SPDYA: variants seen among roughly 807,000 people sequenced by gnomAD.
SPDYA encodes the protein speedy/RINGO cell cycle regulator family member A, also known as speedy protein A.
A neutral mutation model predicts 36.7 loss-of-function variants in SPDYA; 11 were observed. That is an observed-to-expected ratio of 0.30 (90% CI 0.19 to 0.50). SPDYA has a LOEUF of 0.50. Ranked by LOEUF, SPDYA falls within the 20% of genes least tolerant of loss-of-function variation. SPDYA has a pLI of 0.98. For missense variants in SPDYA, 287 were observed against 370.9 expected (o/e 0.77, Z 1.86); for synonymous variants, 115 against 118.7 (o/e 0.97, Z 0.20).
At chr2:28,830,405 G>A (rs1240144578) in intron 6 of SPDYA, among the ~76,000 whole-genome samples, 1 of 151,776 alleles carries the variant, frequency 6.6e-6, no homozygotes, top group African/African-American at 2.4e-5. Context: ...GGGTTTCGCC[G>A]TGTTAGCCAG....
intron 3 of SPDYA, among the ~76,000 whole-genome samples, chr2:28,816,459 A>G (rs1667985580): frequency 1.3e-5 from 2 of 152,198 alleles, no homozygotes; most frequent in African/African-American, 2.4e-5. Context: ...TTAAAAATTC[A>G]TACTCATCTA....
intron 4 of SPDYA, among the ~76,000 whole-genome samples, chr2:28,819,752 G>A (rs1368562726): frequency 2.8e-5 from 4 of 142,702 alleles, no homozygotes; most frequent in Non-Finnish European, 3.0e-5. Context: ...GGAAGGCCAA[G>A]GCGAGAGGAT....
At chr2:28,819,146 A>C (rs1238909422) in intron 4 of SPDYA, 40 bp downstream of exon 4, 1 of 1,425,700 alleles carries the variant, frequency 7.0e-7, no homozygotes, top group Admixed American at 1.8e-5. Flanking sequence ...CAGCATTATA[A>C]TGTAACTGAA....
At chr2:28,849,782 C>A in intron 7 of SPDYA, 68 bp from the exon 8 acceptor site, 2 of 864,282 alleles carry the variant, frequency 2.3e-6, no homozygotes, top group South Asian at 1.7e-5. Flanking sequence ...CATATACAAG[C>A]CATTATAAGA....
At chr2:28,819,426 C>T (rs983791411) in intron 4 of SPDYA, among the ~76,000 whole-genome samples, 1 of 151,972 alleles carries the variant, frequency 6.6e-6, no homozygotes, top group Admixed American at 6.6e-5. Context: ...ATCACTTGAA[C>T]CCAGAAGTTG....
At chr2:28,816,863 T>TTGA (rs543366866) in intron 3 of SPDYA, among the ~76,000 whole-genome samples, 1 of 19,374 alleles carries the variant, frequency 5.2e-5, no homozygotes, top group Non-Finnish European at 1.9e-4. Flanking sequence ...AGAGAGGGAA[T>TTGA]TTTTTTTTTT....
At chr2:28,813,432 C>A (rs1004283252) in intron 1 of SPDYA, among the ~76,000 whole-genome samples, 3 of 152,068 alleles carry the variant, frequency 2.0e-5, no homozygotes, top group African/African-American at 7.2e-5. Flanking sequence ...TGGTACATTC[C>A]ACCCAAGTCT....
chr2:28,834,518 C>A (rs563131351), intron 6 of SPDYA, among the ~76,000 whole-genome samples: 1 of 152,160 alleles, frequency 6.6e-6, no homozygotes, highest in African/African-American at 2.4e-5. Context: ...TATATCCCTA[C>A]AATAAAATAT....
At chr2:28,839,419 C>G (rs1470128199) in intron 6 of SPDYA, among the ~76,000 whole-genome samples, 1 of 152,178 alleles carries the variant, frequency 6.6e-6, no homozygotes. Flanking sequence ...TACCTATGTT[C>G]TTATTCACCA....
At chr2:28,826,946 TTTC>T (rs1668341388) in intron 5 of SPDYA, among the ~76,000 whole-genome samples, 2 of 144,886 alleles carry the variant, frequency 1.4e-5, no homozygotes, top group Non-Finnish European at 3.0e-5. Context: ...TTTTCTTTTC[TTTC>T]TTTTTTTTTT....
intron 5 of SPDYA, among the ~76,000 whole-genome samples, chr2:28,828,381 G>A (rs1668386743): frequency 6.6e-6 from 1 of 151,978 alleles, no homozygotes; most frequent in South Asian, 2.1e-4. Context: ...TGTTTTCTCT[G>A]TAATATTTAA....
intron 7 of SPDYA, among the ~76,000 whole-genome samples, chr2:28,844,493 G>A (rs1668822029): frequency 6.6e-6 from 1 of 152,182 alleles, no homozygotes; most frequent in Admixed American, 6.5e-5. Flanking sequence ...ATGAAATCAT[G>A]AGAGTAAACA....
At position 28,850,460 on chromosome 2, in the gene SPDYA, T is replaced by C; in HGVS notation, c.*519T>C. 6 of 1,198,148 alleles carry C rather than the reference T, an allele frequency of 5.0e-6. No individual in the cohort carries two copies. The South Asian group carries it at 7.0e-5, about 14-fold the overall frequency. The allele number at this position is 1,198,148 out of a possible 1,614,324, so 74.2% of individuals were successfully genotyped here. A position where few individuals can be genotyped will look rare whatever the true frequency, so the allele number is the denominator to read the frequency against. On this transcript the variant is annotated 3_prime_UTR_variant, in exon 8 of 8. Coordinates refer to ENST00000334056, the MANE Select transcript of SPDYA (RefSeq NM_182756.4). ...CTACATAAAATATTTTCTATTTTTT[T>C]CACAAAACTGTTAAAATATGAGTTA...
chr2:28,813,239 G>A (rs1403945859), intron 1 of SPDYA, among the ~76,000 whole-genome samples: 2 of 152,102 alleles, frequency 1.3e-5, no homozygotes, highest in Non-Finnish European at 2.9e-5. Flanking sequence ...CATACATAAG[G>A]GTTTAGAGGA....
At chr2:28,815,698 G>T (rs1667967494) in intron 2 of SPDYA, among the ~76,000 whole-genome samples, 1 of 152,096 alleles carries the variant, frequency 6.6e-6, no homozygotes, top group Non-Finnish European at 1.5e-5. Flanking sequence ...AAATTATGAA[G>T]TCAGCATCAT....
intron 7 of SPDYA, among the ~76,000 whole-genome samples, chr2:28,842,753 A>G (rs1481020656): frequency 6.6e-6 from 1 of 152,228 alleles, no homozygotes; most frequent in East Asian, 1.9e-4. Flanking sequence ...ATATTTTACC[A>G]GTAAAAATAT....
chr2:28,846,555 C>T (rs2148110401), intron 7 of SPDYA, among the ~76,000 whole-genome samples: 1 of 152,256 alleles, frequency 6.6e-6, no homozygotes, highest in Non-Finnish European at 1.5e-5. Flanking sequence ...GTTTACAGGA[C>T]AGCCAGACAT....
rs36004797 is a variant in SPDYA, at chr2:28,832,843, C to CT, written c.552+3538dup. On this transcript the variant is annotated intron_variant, in intron 6 of 7. Coordinates refer to ENST00000334056, the MANE Select transcript of SPDYA (RefSeq NM_182756.4). ...TCCAAATAGTCTCTCCCACCCCCAC[C>CT]TTTTTTTTTTTTTTAAAGACAGGGT... 2.9e-3 allele frequency among the ~76,000 whole-genome samples: 381 copies of CT among 131,042 alleles called. 2 individuals carry two copies. Among genetic ancestry groups the CT allele is most frequent in the Non-Finnish European group, 3.7e-3 (232 of 63,214 alleles). The allele number at this position is 131,042 out of a possible 152,430, so 86.0% of individuals were successfully genotyped here. A position where few individuals can be genotyped will look rare whatever the true frequency, so the allele number is the denominator to read the frequency against.
intron 4 of SPDYA, among the ~76,000 whole-genome samples, chr2:28,819,886 A>G (rs1464777520): frequency 1.5e-5 from 1 of 66,564 alleles, no homozygotes; most frequent in Non-Finnish European, 2.8e-5. Context: ...ATATATATAT[A>G]TATATATATA....
Sources: gnomAD v4.1 joint callset for allele counts (sites outside exome capture counted in the v4.1 genomes callset) on GRCh38, gnomAD v4.1.1 for gene constraint, MANE v1.5 for transcripts, NCBI Gene and HGNC (gene_info 2026-07-23, HGNC 2026-07-21) for gene names.